CAAP1: variants seen among roughly 807,000 people sequenced by gnomAD.
CAAP1 encodes caspase activity and apoptosis inhibitor 1.
CAAP1 carries 20 observed loss-of-function variants against 34.0 expected under a neutral mutation model. The ratio of observed to expected loss-of-function variants is 0.59; its 90% CI spans 0.41 to 0.86. The LOEUF is 0.86. CAAP1 is among the 40% of genes least tolerant of loss of function. The pLI, the probability that CAAP1 is intolerant of heterozygous loss-of-function variation, is 0.00. For synonymous variants in CAAP1, 213 were observed against 166.7 expected (o/e 1.28, Z -2.14); for missense variants, 538 against 450.5 (o/e 1.19, Z -1.76).
chr9:26,884,371 G>A (rs1823674778), intron 4 of CAAP1, among the ~76,000 whole-genome samples: 1 of 152,058 alleles, frequency 6.6e-6, no homozygotes, highest in African/African-American at 2.4e-5. Context: ...AGACTTACAT[G>A]AACATAACTA....
Position 26,863,772 on chromosome 9 carries a change from TAAA to T in CAAP1, c.666-2636_666-2634del, listed in dbSNP as rs57763346. 1.7e-3 allele frequency among the ~76,000 whole-genome samples: 188 copies of T among 111,966 alleles called. 1 individual carries two copies. Among genetic ancestry groups the T allele is most frequent in the South Asian group, 9.0e-3 (30 of 3,316 alleles). The allele number at this position is 111,966 out of a possible 152,430, so 73.5% of individuals were successfully genotyped here. On this transcript the variant is annotated intron_variant, in intron 4 of 5. Transcript: ENST00000333916. ...TCTTTGTGCTCCCTTCCGTTTAAAT[TAAA>T]AAAAAAAAAAAAAAAAAAAGCCTGT...
At chr9:26,864,286 C>T (rs1823076503) in intron 4 of CAAP1, among the ~76,000 whole-genome samples, 1 of 152,032 alleles carries the variant, frequency 6.6e-6, no homozygotes, top group Non-Finnish European at 1.5e-5. Flanking sequence ...GAGTAATACA[C>T]TGGGGAGATC....
rs1277629189 is a variant in CAAP1, at chr9:26,864,166, G to A, written c.666-3027C>T. On this transcript the variant is annotated intron_variant, in intron 4 of 5. Transcript: ENST00000333916. The stretch of plus-strand genomic sequence containing the variant: ...AATCACAAGAGAGCCCTATACTTAT[G>A]ACTGAGATTTAAGTTCTGAAACCAA... Among the ~76,000 whole-genome samples, 6 of 152,178 alleles carry A rather than the reference G, an allele frequency of 3.9e-5. No homozygotes were observed. In the East Asian group the frequency reaches 9.6e-4, roughly 24 times the overall value.
intron 5 of CAAP1, among the ~76,000 whole-genome samples, chr9:26,858,478 T>C (rs1822923535): frequency 6.6e-6 from 1 of 152,200 alleles, no homozygotes. Flanking sequence ...TATATTTTAA[T>C]CATTTAGTAG....
At chr9:26,890,852 G>C (rs1673173802) in intron 1 of CAAP1, among the ~76,000 whole-genome samples, 1 of 152,202 alleles carries the variant, frequency 6.6e-6, no homozygotes, top group South Asian at 2.1e-4. Context: ...GGCTGAGGCA[G>C]GGGAATGGCC....
At chr9:26,858,069 G>C (rs1287814974) in intron 5 of CAAP1, among the ~76,000 whole-genome samples, 2 of 152,064 alleles carry the variant, frequency 1.3e-5, no homozygotes, top group Non-Finnish European at 2.9e-5. Context: ...TTATATTTTG[G>C]TCTACTGAAC....
intron 5 of CAAP1, among the ~76,000 whole-genome samples, chr9:26,855,548 T>A (rs1822850799): frequency 6.6e-6 from 1 of 152,166 alleles, no homozygotes; most frequent in African/African-American, 2.4e-5. Context: ...ATATGGGAAC[T>A]CTCTGTACTT....
At chr9:26,880,061 A>T in intron 4 of CAAP1, 1 of 187,146 alleles carries the variant, frequency 5.3e-6, no homozygotes. Context: ...GCAAAAAAAT[A>T]AGCTCAAAAC....
chr9:26,883,214 G>A (rs1352077919), intron 4 of CAAP1, among the ~76,000 whole-genome samples: 1 of 152,172 alleles, frequency 6.6e-6, no homozygotes, highest in East Asian at 1.9e-4. Context: ...CGGTTTGGCT[G>A]TGTCTCCACC....
chr9:26,885,238 G>A lies in CAAP1; in HGVS notation c.590-353C>T, dbSNP rs536127389. On this transcript the variant is annotated intron_variant, in intron 3 of 5. Transcript: ENST00000333916. ...ACTACAGGCGCCCGCCACCACGCCC[G>A]GCTAATTTTTGTATTTTTAGTAGAG... 3.0e-3 allele frequency among the ~76,000 whole-genome samples: 457 copies of A among 151,860 alleles called. 3 individuals carry two copies. Among genetic ancestry groups the A allele is most frequent in the Non-Finnish European group, 4.2e-3 (282 of 67,948 alleles).
intron 3 of CAAP1, 64 bp from the exon 4 acceptor site, chr9:26,884,949 C>T (rs113496124): frequency 8.4e-7 from 1 of 1,187,516 alleles, no homozygotes; most frequent in African/African-American, 1.5e-5. Flanking sequence ...GCAATCATGA[C>T]ATTAAAAAGT....
chr9:26,881,285 C>T (rs896877388), intron 4 of CAAP1, among the ~76,000 whole-genome samples: 1 of 152,286 alleles, frequency 6.6e-6, no homozygotes, highest in African/African-American at 2.4e-5. Flanking sequence ...TTGTTGTAAT[C>T]GTTATAAAAA....
intron 5 of CAAP1, among the ~76,000 whole-genome samples, chr9:26,860,760 C>T (rs1231343870): frequency 6.6e-6 from 1 of 152,140 alleles, no homozygotes; most frequent in Non-Finnish European, 1.5e-5. Flanking sequence ...CACTGCACTC[C>T]AGCCTGGGCG....
chr9:26,873,979 G>C (rs542865921), intron 4 of CAAP1, among the ~76,000 whole-genome samples: 4 of 151,868 alleles, frequency 2.6e-5, no homozygotes, highest in African/African-American at 7.3e-5. Context: ...AGGCCGAGGC[G>C]GGCAGATCAC....
chr9:26,862,189 C>G (rs1587102451), intron 4 of CAAP1, among the ~76,000 whole-genome samples: 1 of 152,160 alleles, frequency 6.6e-6, no homozygotes, highest in East Asian at 1.9e-4. Context: ...AGGAGGATAT[C>G]AACAATTCTC....
intron 4 of CAAP1, among the ~76,000 whole-genome samples, chr9:26,875,752 C>T (rs1823413243): frequency 6.6e-6 from 1 of 151,070 alleles, no homozygotes; most frequent in African/African-American, 2.4e-5. Context: ...GCAGTCAGCT[C>T]TAATTTTTTG....
At chr9:26,891,292 TAAAAC>T (rs1263181525) in intron 1 of CAAP1, among the ~76,000 whole-genome samples, 1 of 150,858 alleles carries the variant, frequency 6.6e-6, no homozygotes, top group Non-Finnish European at 1.5e-5. Flanking sequence ...AAATAAAAAT[TAAAAC>T]AAACTATTAA....
At chr9:26,874,477 T>C (rs796306759) in intron 4 of CAAP1, among the ~76,000 whole-genome samples, 9 of 152,288 alleles carry the variant, frequency 5.9e-5, no homozygotes, top group African/African-American at 2.2e-4. Flanking sequence ...TATTCCTTCT[T>C]ATCTAACTAT....
chr9:26,841,912 T>C lies in CAAP1; in HGVS notation c.*389A>G, dbSNP rs1822488984. On this transcript the variant is annotated 3_prime_UTR_variant, in exon 6 of 6. Transcript: ENST00000333916. ...AATTAAATAATTTAATATTGTATTGTAAAATACAAGTAGCCTTAAGAGAAA... is the reference window on the plus strand; with the variant it reads ...AATTAAATAATTTAATATTGTATTGCAAAATACAAGTAGCCTTAAGAGAAA... 6.4e-6 allele frequency: 1 copy of C among 155,454 alleles called. No individual in the cohort carries two copies. The highest frequency in any genetic ancestry group is 6.5e-5 in the Admixed American group (1 of 15,498). The allele number at this position is 155,454 out of a possible 1,614,324, so 9.6% of individuals were successfully genotyped here.
Sources: allele counts gnomAD v4.1 joint callset (sites outside exome capture counted in the v4.1 genomes callset), GRCh38; gene constraint gnomAD v4.1.1; transcripts MANE v1.5; gene names NCBI Gene and HGNC (gene_info 2026-07-23, HGNC 2026-07-21).